Variants in PDLIM5 observed in about 807,000 individuals in gnomAD.
PDLIM5 encodes PDZ and LIM domain 5, also known as PDZ and LIM domain protein 5.
In PDLIM5, 34 loss-of-function variants were observed where a neutral mutation model predicts 64.2. The ratio of observed to expected loss-of-function variants is 0.53; its 90% confidence interval spans 0.40 to 0.71. The LOEUF is 0.71. Among genes scored for constraint, PDLIM5 ranks in the 30% least tolerant of loss-of-function variants. The pLI, the probability that PDLIM5 is intolerant of heterozygous loss-of-function variation, is 0.00. For synonymous variants in PDLIM5, 253 were observed against 269.1 expected (o/e 0.94, Z 0.59); for missense variants, 683 against 733.6 (o/e 0.93, Z 0.80).
chr4:94,659,589 G>A (rs953379896), intron 11 of PDLIM5, among the ~76,000 whole-genome samples: 19 of 150,052 alleles, frequency 1.3e-4, no homozygotes, highest in Admixed American at 2.0e-4. Context: ...GTGCAGTGGC[G>A]CAATCTTGGC....
chr4:94,650,026 C>T (rs1378037440), intron 9 of PDLIM5, among the ~76,000 whole-genome samples: 1 of 152,126 alleles, frequency 6.6e-6, no homozygotes, highest in East Asian at 1.9e-4. Flanking sequence ...TGACATTCAG[C>T]GAAAGAATTA....
chr4:94,519,922 A>T (rs1343948309), intron 2 of PDLIM5, among the ~76,000 whole-genome samples: 1 of 152,160 alleles, frequency 6.6e-6, no homozygotes, highest in African/African-American at 2.4e-5. Context: ...ACTTCTTGTC[A>T]TCCATGATTA....
chr4:94,488,335 T>C (rs1196495351), intron 2 of PDLIM5, among the ~76,000 whole-genome samples: 1 of 152,216 alleles, frequency 6.6e-6, no homozygotes, highest in Non-Finnish European at 1.5e-5. Context: ...CAAAATTCAT[T>C]TTCAAGTTTC....
chr4:94,635,222 AG>A (rs1317277920), intron 8 of PDLIM5, among the ~76,000 whole-genome samples: 1 of 152,212 alleles, frequency 6.6e-6, no homozygotes, highest in African/African-American at 2.4e-5. Flanking sequence ...AGAAAAAAAA[AG>A]TAATTTTCAA....
At chr4:94,661,187 A>G (rs1742681155) in intron 11 of PDLIM5, among the ~76,000 whole-genome samples, 1 of 152,206 alleles carries the variant, frequency 6.6e-6, no homozygotes. Flanking sequence ...TCATGAGTTC[A>G]AAACCAGCAT....
At chr4:94,547,353 C>T (rs550849064) in intron 3 of PDLIM5, among the ~76,000 whole-genome samples, 2 of 152,118 alleles carry the variant, frequency 1.3e-5, no homozygotes, top group Non-Finnish European at 2.9e-5. Context: ...TGGAGACTAC[C>T]TGCATTCCTT....
chr4:94,518,495 G>A (rs1202220377), intron 2 of PDLIM5, among the ~76,000 whole-genome samples: 2 of 152,086 alleles, frequency 1.3e-5, no homozygotes, highest in African/African-American at 4.8e-5. Context: ...AAATGATTAG[G>A]AACAAATGCT....
At chr4:94,659,592 A>G (rs1419557671) in intron 11 of PDLIM5, among the ~76,000 whole-genome samples, 2 of 149,660 alleles carry the variant, frequency 1.3e-5, no homozygotes, top group African/African-American at 4.9e-5. Flanking sequence ...CAGTGGCGCA[A>G]TCTTGGCTCA....
At chr4:94,524,216 A>C (rs985999022) in intron 3 of PDLIM5, among the ~76,000 whole-genome samples, 3 of 151,922 alleles carry the variant, frequency 2.0e-5, no homozygotes, top group Non-Finnish European at 2.9e-5. Flanking sequence ...AAAACATAAA[A>C]AAATTAGCCA....
At chr4:94,660,119 A>C (rs191987841) in intron 11 of PDLIM5, among the ~76,000 whole-genome samples, 1 of 151,518 alleles carries the variant, frequency 6.6e-6, no homozygotes, top group Admixed American at 6.6e-5. Context: ...GGTAGTGTAG[A>C]ACTCCTGACC....
chr4:94,542,858 TA>T (rs1209910968), intron 3 of PDLIM5, among the ~76,000 whole-genome samples: 1 of 152,134 alleles, frequency 6.6e-6, no homozygotes, highest in Non-Finnish European at 1.5e-5. Context: ...AATTGTTTCC[TA>T]AAAACAAAGT....
At chr4:94,640,847 A>G (rs146527412) in intron 9 of PDLIM5, among the ~76,000 whole-genome samples, 20 of 152,334 alleles carry the variant, frequency 1.3e-4, no homozygotes, top group African/African-American at 4.1e-4. Flanking sequence ...AACTAGTGAC[A>G]TTAAAGAACT....
chr4:94,456,407 A>G lies in PDLIM5; in HGVS notation c.96+1023A>G, dbSNP rs910199246. ...GAGACCAAGTTTCCCTATGTTGGTC[A>G]GGCTGGTCTTGAACTCCCGACCTCA... On this transcript the variant is annotated intron_variant, in intron 2 of 12. Coordinates refer to ENST00000317968, the MANE Select transcript of PDLIM5 (RefSeq NM_006457.5). 3.2e-5 allele frequency: 22 copies of G among 677,396 alleles called. 1 individual carries two copies. The Admixed American group carries it at 4.9e-4, about 15-fold the overall frequency. 42.0% of individuals were successfully genotyped at this position (677,396 alleles called of 1,614,324 possible). A position where few individuals can be genotyped will look rare whatever the true frequency, so the allele number is the denominator to read the frequency against.
chr4:94,494,432 G>GGTTTTTTTTTCTTTTTTT (rs1553940971), intron 2 of PDLIM5, among the ~76,000 whole-genome samples: 1 of 70,770 alleles, frequency 1.4e-5, no homozygotes, highest in Non-Finnish European at 2.8e-5. Context: ...TTTTTTTCTT[G>GGTTTTTTTTTCTTTTTTT]TTTTTTTTTT....
At chr4:94,577,330 G>T (rs1378318991) in intron 5 of PDLIM5, 1 of 456,332 alleles carries the variant, frequency 2.2e-6, no homozygotes, top group African/African-American at 2.0e-5. Context: ...CTGCTGCCAT[G>T]GCAACTTTGG....
chr4:94,609,729 T>C (rs113254735), intron 7 of PDLIM5, among the ~76,000 whole-genome samples: 41 of 152,240 alleles, frequency 2.7e-4, no homozygotes, highest in African/African-American at 9.9e-4. Context: ...GCTGTCAGTA[T>C]ATATCGTCTC....
At chr4:94,474,668 G>A (rs951097193) in intron 2 of PDLIM5, among the ~76,000 whole-genome samples, 5 of 152,044 alleles carry the variant, frequency 3.3e-5, no homozygotes, top group African/African-American at 1.2e-4. Context: ...TTTCTTATTT[G>A]TATATTTTAG....
chr4:94,548,273 A>G (rs971160889), intron 3 of PDLIM5, among the ~76,000 whole-genome samples: 2 of 152,174 alleles, frequency 1.3e-5, no homozygotes, highest in African/African-American at 4.8e-5. Context: ...GCCCATACCT[A>G]CCACTCAAAT....
chr4:94,583,796 G>T (rs1171899516), intron 5 of PDLIM5, among the ~76,000 whole-genome samples: 1 of 152,106 alleles, frequency 6.6e-6, no homozygotes, highest in Non-Finnish European at 1.5e-5. Flanking sequence ...TATTACAGTT[G>T]ATTTTCTAGT....
Sources: gnomAD v4.1 joint callset for allele counts (sites outside exome capture counted in the v4.1 genomes callset) on GRCh38, gnomAD v4.1.1 for gene constraint, MANE v1.5 for transcripts, NCBI Gene and HGNC (gene_info 2026-07-23, HGNC 2026-07-21) for gene names.